The following HS1BP3 variants were observed in gnomAD, a reference collection of about 807,000 sequenced individuals.
The protein encoded by HS1BP3 is HCLS1-binding protein 3.
A neutral mutation model predicts 33.5 loss-of-function variants in HS1BP3; 32 were observed. That is an observed-to-expected ratio of 0.95 (90% confidence interval 0.72 to 1.28). The LOEUF (loss-of-function observed/expected upper bound fraction) is 1.28, where lower values mean the gene tolerates loss of function less well. Ranked by LOEUF, HS1BP3 falls within the 50% of genes most tolerant of loss-of-function variation. The probability of loss-of-function intolerance (pLI) is 0.00; values close to 1 mark genes in which losing one functional copy is unlikely to be tolerated. For missense variants in HS1BP3, 486 were observed against 502.3 expected, an observed-to-expected ratio of 0.97 and a Z score of 0.31; for synonymous variants, 187 against 209.2, an observed-to-expected ratio of 0.89 and a Z score of 0.92.
At chr2:20,606,361 G>T in intron 2 of HS1BP3, 1 of 467,294 alleles carries the variant, frequency 2.1e-6, no homozygotes, top group Non-Finnish European at 4.2e-6. Flanking sequence ...TTTGAAACCA[G>T]TTTGATGAGT....
intron 5 of HS1BP3, among the ~76,000 whole-genome samples, chr2:20,581,601 C>T (rs1361352525): frequency 6.6e-6 from 1 of 152,222 alleles, no homozygotes; most frequent in Non-Finnish European, 1.5e-5. Context: ...CTGCCTGCCT[C>T]AACCTCCCAA....
At chr2:20,604,177 G>A (rs1694125796) in intron 2 of HS1BP3, among the ~76,000 whole-genome samples, 1 of 152,226 alleles carries the variant, frequency 6.6e-6, no homozygotes, top group Non-Finnish European at 1.5e-5. Flanking sequence ...GTTCTGGAAG[G>A]CAGGAGCTGC....
intron 5 of HS1BP3, chr2:20,560,615 TACACAC>T (rs1240570979): frequency 6.6e-6 from 1 of 152,210 alleles, no homozygotes; most frequent in African/African-American, 2.4e-5. Context: ...AATGGTTGTC[TACACAC>T]ACCTGTGTAG....
At chr2:20,580,814 C>A (rs757270870) in intron 5 of HS1BP3, among the ~76,000 whole-genome samples, 7 of 152,164 alleles carry the variant, frequency 4.6e-5, no homozygotes, top group Non-Finnish European at 7.3e-5. Flanking sequence ...GAAGTAAACA[C>A]CCAGGCAGAC....
At chr2:20,647,114 C>T (rs536538828) in intron 1 of HS1BP3, among the ~76,000 whole-genome samples, 1 of 152,282 alleles carries the variant, frequency 6.6e-6, no homozygotes, top group South Asian at 2.1e-4. Flanking sequence ...CGGGGAGGTC[C>T]TCTCAGGGGT....
chr2:20,563,213 C>T (rs997635461), intron 5 of HS1BP3, among the ~76,000 whole-genome samples: 2 of 152,220 alleles, frequency 1.3e-5, no homozygotes, highest in African/African-American at 2.4e-5. Flanking sequence ...CTGCTCTGAA[C>T]CCCAGAAGGC....
intron 2 of HS1BP3, among the ~76,000 whole-genome samples, chr2:20,604,744 G>C (rs1479812693): frequency 1.3e-5 from 2 of 152,186 alleles, no homozygotes; most frequent in Admixed American, 1.3e-4. Flanking sequence ...AGTTCCCCCA[G>C]TTTCTTCATG....
At chr2:20,604,947 TG>T (rs1379195653) in intron 2 of HS1BP3, among the ~76,000 whole-genome samples, 1 of 152,202 alleles carries the variant, frequency 6.6e-6, no homozygotes, top group African/African-American at 2.4e-5. Context: ...TCCTTGAGGT[TG>T]GGAGCGTTCA....
intron 5 of HS1BP3, among the ~76,000 whole-genome samples, chr2:20,560,742 T>C (rs1409155035): frequency 6.6e-6 from 1 of 151,976 alleles, no homozygotes; most frequent in Non-Finnish European, 1.5e-5. Flanking sequence ...GCCTTCCAAC[T>C]CTCAGGCCTG....
chr2:20,591,188 A>T (rs1572313216), downstream of HS1BP3: 1 of 167,132 alleles, frequency 6.0e-6, no homozygotes, highest in Non-Finnish European at 1.5e-5. Context: ...GCCACTGGAG[A>T]GGGACGCCTC....
At chr2:20,603,598 G>A (rs1694113841) in intron 2 of HS1BP3, among the ~76,000 whole-genome samples, 1 of 152,206 alleles carries the variant, frequency 6.6e-6, no homozygotes. Flanking sequence ...AGAGAGATTG[G>A]GGTTTGATGG....
intron 5 of HS1BP3, among the ~76,000 whole-genome samples, chr2:20,573,160 G>A (rs953328251): frequency 6.6e-6 from 1 of 152,166 alleles, no homozygotes; most frequent in Non-Finnish European, 1.5e-5. Context: ...AGTCTTTGCT[G>A]ATATAATTAA....
chr2:20,631,970 C>T (rs536126196), intron 4 of HS1BP3, among the ~76,000 whole-genome samples: 7 of 152,222 alleles, frequency 4.6e-5, no homozygotes, highest in Admixed American at 6.5e-5. Context: ...CAGCAGTCAG[C>T]CCCAAATGGC....
intron 5 of HS1BP3, among the ~76,000 whole-genome samples, chr2:20,577,040 A>T (rs987285599): frequency 9.2e-5 from 14 of 152,120 alleles, no homozygotes; most frequent in Non-Finnish European, 1.3e-4. Flanking sequence ...TTTACAAGGA[A>T]ATTTATGGGA....
At chr2:20,638,127 C>T (rs919989720) in intron 4 of HS1BP3, 12 of 533,684 alleles carry the variant, frequency 2.2e-5, no homozygotes, top group South Asian at 5.7e-5. Flanking sequence ...CGGACAGGCC[C>T]GCAGCCTGCA....
At chr2:20,609,152 G>A (rs1445802284) in intron 2 of HS1BP3, among the ~76,000 whole-genome samples, 2 of 152,198 alleles carry the variant, frequency 1.3e-5, no homozygotes, top group Non-Finnish European at 2.9e-5. Flanking sequence ...ATGGGTAGCT[G>A]CAGGATGAGC....
downstream of HS1BP3, among the ~76,000 whole-genome samples, chr2:20,559,792 A>T (rs181308265): frequency 2.6e-5 from 4 of 152,254 alleles, no homozygotes; most frequent in East Asian, 7.7e-4. Context: ...GCCCCTCTGC[A>T]TCCAGGCACT....
chr2:20,603,510 C>CAT (rs1057240568), intron 2 of HS1BP3, among the ~76,000 whole-genome samples: 1 of 152,072 alleles, frequency 6.6e-6, no homozygotes, highest in Non-Finnish European at 1.5e-5. Context: ...TACATTATCC[C>CAT]ATATATATAA....
At chr2:20,574,823 C>T (rs1201682630) in intron 5 of HS1BP3, among the ~76,000 whole-genome samples, 1 of 152,164 alleles carries the variant, frequency 6.6e-6, no homozygotes, top group Non-Finnish European at 1.5e-5. Flanking sequence ...GGCAGCAGAT[C>T]CACTGAACTG....
Sources: gnomAD v4.1 joint callset for allele counts (sites outside exome capture counted in the v4.1 genomes callset) on GRCh38, gnomAD v4.1.1 for gene constraint, MANE v1.5 for transcripts, NCBI Gene and HGNC (gene_info 2026-07-23, HGNC 2026-07-21) for gene names.